Variants in MKS1 observed in about 807,000 individuals in gnomAD.
The protein encoded by MKS1 is MKS transition zone complex subunit 1.
A neutral mutation model predicts 83.7 loss-of-function variants in MKS1; 70 were observed. The ratio of observed to expected loss-of-function variants is 0.84; its 90% CI spans 0.69 to 1.02. MKS1 has a LOEUF of 1.02. Among genes scored for constraint, MKS1 ranks in the 50% least tolerant of loss-of-function variants. MKS1 has a pLI of 0.00. For missense variants in MKS1, 681 were observed against 726.9 expected, an observed-to-expected ratio of 0.94 and a Z score of 0.73; for synonymous variants, 251 against 273.4, an observed-to-expected ratio of 0.92 and a Z score of 0.81.
chr17:58,214,963 A>C, intron 4 of MKS1, 125 bp from the exon 5 acceptor site: 4 of 1,442,262 alleles, frequency 2.8e-6, no homozygotes, highest in Non-Finnish European at 3.7e-6. Context: ...CCGCCACCTC[A>C]CAATTATACA....
intron 4 of MKS1, chr17:58,215,870 G>A: frequency 1.7e-6 from 1 of 582,232 alleles, no homozygotes; most frequent in Non-Finnish European, 3.1e-6. Flanking sequence ...GCTCCCCCAG[G>A]CCCTCTAGCA....
chr17:58,211,860 C>G (rs1300999356), intron 9 of MKS1, among the ~76,000 whole-genome samples: 1 of 151,858 alleles, frequency 6.6e-6, no homozygotes, highest in African/African-American at 2.4e-5. Flanking sequence ...GCCACCGCAT[C>G]AGGCCTATAT....
At position 58,214,251 on chromosome 17, in the gene MKS1, C is replaced by A. The variant is rs370117125; in HGVS notation, c.644+8G>T. On this transcript the variant is annotated splice_region_variant and intron_variant, in intron 6 of 17. Coordinates refer to ENST00000393119, the MANE Select transcript of MKS1 (RefSeq NM_017777.4). ...GGCTCTAAGCTGGCAGTGAGAAGCG[C>A]CACTCACTTTTTATAGGGCCCCAGG... is the stretch of plus-strand genomic sequence containing the variant. 4.9e-4 allele frequency: 787 copies of A among 1,614,136 alleles called. No homozygotes were observed. The highest frequency in any genetic ancestry group is 6.5e-4 in the Non-Finnish European group (764 of 1,180,012).
At chr17:58,217,559 A>G (rs558088491) in intron 2 of MKS1, among the ~76,000 whole-genome samples, 2 of 152,326 alleles carry the variant, frequency 1.3e-5, no homozygotes, top group Admixed American at 1.3e-4. Flanking sequence ...CTGTAATCCC[A>G]ACATTTTGGG....
intron 2 of MKS1, 153 bp downstream of exon 2, chr17:58,218,447 CAAAAAAAAAAAAAAAAAAAA>C (rs67834721): frequency 1.5e-4 from 37 of 242,452 alleles, no homozygotes; most frequent in South Asian, 3.3e-4. Flanking sequence ...GACTCCGTCT[CAAAAAAAAAAAAAAAAAAAA>C]AAAAAAAAAA....
intron 13 of MKS1, 26 bp from the exon 14 acceptor site, chr17:58,208,027 G>A: frequency 6.2e-7 from 1 of 1,611,552 alleles, no homozygotes. Flanking sequence ...GAAGCGGCCA[G>A]GTCACAGGCG....
chr17:58,212,909 C>T, intron 8 of MKS1, 73 bp downstream of exon 8: 1 of 1,466,230 alleles, frequency 6.8e-7, no homozygotes, highest in Middle Eastern at 1.7e-4. Context: ...CTGCTGACAT[C>T]AAGTTCAGAA....
intron 11 of MKS1, 75 bp downstream of exon 11, chr17:58,210,584 G>A (rs1260497967): frequency 7.3e-7 from 1 of 1,371,262 alleles, no homozygotes; most frequent in East Asian, 2.3e-5. Context: ...AGAGGAGTGG[G>A]AAAGGAAGCC....
chr17:58,216,138 G>T lies in MKS1; in HGVS notation c.367C>A (p.Arg123=). Reference sequence around the variant, plus strand: ...GAGTCAGTGTAGGTAAAGATTCGTCGGTTTTTCTTGCCACCCGAATTCTCC... The same window carrying T: ...GAGTCAGTGTAGGTAAAGATTCGTCTGTTTTTCTTGCCACCCGAATTCTCC... The part of the protein sequence containing the change: ...KLENSGGKKN[R]RIFTYTDSDR... The change falls in exon 4 of 18, where the codon CGA becomes AGA. Residue 123 remains arginine (R), a synonymous_variant. Transcript: ENST00000393119. 6.2e-7 allele frequency: 1 copy of T among 1,614,104 alleles called. No individual in the cohort carries two copies. The highest frequency in any genetic ancestry group is 8.5e-7 in the Non-Finnish European group (1 of 1,180,018).
At chr17:58,211,267 T>C (rs1968858942) in intron 9 of MKS1, 2 of 552,430 alleles carry the variant, frequency 3.6e-6, no homozygotes, top group East Asian at 6.3e-5. Context: ...TGGGAAATTA[T>C]TCAAGCAACA....
chr17:58,205,915 C>G lies in MKS1; in HGVS notation c.*164G>C. ...TATTTCCACAGGGTAGGGAGAAGAC[C>G]CTGCAGAAGGCTAGGCAGAGGGGCC... On this transcript the variant is annotated 3_prime_UTR_variant, in exon 18 of 18. Transcript: ENST00000393119. 6.7e-7 allele frequency: 1 copy of G among 1,484,234 alleles called. No homozygotes were observed. Among genetic ancestry groups the G allele is most frequent in the Admixed American group, 2.2e-5 (1 of 45,530 alleles). The allele number at this position is 1,484,234 out of a possible 1,614,324, so 91.9% of individuals were successfully genotyped here.
rs375861391 is a variant in MKS1 at position 58,218,696 on chromosome 17, A to G, written c.114T>C (p.Phe38=). The G allele has an allele frequency of 4.4e-5, 71 of 1,613,944 alleles. No individual in the cohort carries two copies. The highest frequency in any genetic ancestry group is 5.2e-5 in the Non-Finnish European group (61 of 1,179,970). Residue 38 remains phenylalanine, a synonymous_variant, in exon 2 of 18, where the codon TTT becomes TTC. Transcript: ENST00000393119. ...VHLQRITSSN[F]LHYQPAAELG... Reference sequence around the variant, plus strand: ...GCTCGGCAGCAGGCTGATAATGAAGAAAGTTGCTTGATGTGATTCTTTGCA... The same window carrying G: ...GCTCGGCAGCAGGCTGATAATGAAGGAAGTTGCTTGATGTGATTCTTTGCA...
chr17:58,218,852 G>A, intron 1 of MKS1, 123 bp from the exon 2 acceptor site: 2 of 945,340 alleles, frequency 2.1e-6, no homozygotes, highest in Non-Finnish European at 3.3e-6. Context: ...TGCAGACAAC[G>A]GAGAGGAGGT....
intron 9 of MKS1, 127 bp downstream of exon 9, chr17:58,212,251 C>G: frequency 8.9e-7 from 1 of 1,127,710 alleles, no homozygotes; most frequent in Admixed American, 1.7e-5. Flanking sequence ...ATGTGCTATT[C>G]TTTGACTTCC....
intron 4 of MKS1, 43 bp from the exon 5 acceptor site, chr17:58,214,881 C>T (rs1969101751): frequency 6.4e-7 from 1 of 1,567,184 alleles, no homozygotes; most frequent in African/African-American, 1.4e-5. Context: ...CTGGTCAGGG[C>T]CACATGGAGC....
intron 7 of MKS1, 130 bp downstream of exon 7, chr17:58,213,635 G>A (rs1969012597): frequency 3.9e-6 from 3 of 771,302 alleles, no homozygotes; most frequent in East Asian, 2.6e-5. Flanking sequence ...AACAGAATAC[G>A]AACCATTGCC....
At chr17:58,214,196 G>C in intron 6 of MKS1, 63 bp downstream of exon 6, 2 of 1,609,676 alleles carry the variant, frequency 1.2e-6, no homozygotes, top group Non-Finnish European at 1.7e-6. Flanking sequence ...TAACAGGAAG[G>C]GGAGAGCTGG....
chr17:58,205,900 G>T lies in MKS1; in HGVS notation c.*179C>A. Reference sequence around the variant, plus strand: ...CAGGGTCTCTGGCTTTATTTCCACAGGGTAGGGAGAAGACCCTGCAGAAGG... The same window carrying T: ...CAGGGTCTCTGGCTTTATTTCCACATGGTAGGGAGAAGACCCTGCAGAAGG... On this transcript the variant is annotated 3_prime_UTR_variant, in exon 18 of 18. Coordinates refer to ENST00000393119, the MANE Select transcript of MKS1 (RefSeq NM_017777.4). 6.8e-7 allele frequency: 1 copy of T among 1,463,596 alleles called. No homozygotes were observed. The highest frequency in any genetic ancestry group is 2.3e-5 in the Admixed American group (1 of 42,956). The allele number at this position is 1,463,596 out of a possible 1,614,324, so 90.7% of individuals were successfully genotyped here.
rs1462405347 is a variant in MKS1, at chr17:58,209,907, G to T, written c.1024+752C>A. On this transcript the variant is annotated intron_variant, in intron 11 of 17. Coordinates refer to ENST00000393119, the MANE Select transcript of MKS1 (RefSeq NM_017777.4). This position sits in a 1 kb window ranked among gnomAD's most constrained non-coding sequence, Gnocchi z 4.1. ...TGCACTGGCCTAGACAAGAGATGGT[G>T]GTGGCTTGGTGTAGGGTGCTGGAGA... Among the ~76,000 whole-genome samples the T allele has an allele frequency of 1.3e-5, 2 of 152,220 alleles. No individual in the cohort carries two copies. The highest frequency in any genetic ancestry group is 2.9e-5 in the Non-Finnish European group (2 of 68,044).
Sources: gnomAD v4.1 joint callset for allele counts (sites outside exome capture counted in the v4.1 genomes callset) on GRCh38, gnomAD v4.1.1 for gene constraint, Gnocchi (gnomAD v3.1) non-coding constraint, MANE v1.5 for transcripts, NCBI Gene and HGNC (gene_info 2026-07-23, HGNC 2026-07-21) for gene names.